The following EVC2 variants were observed in gnomAD, a reference collection of about 807,000 sequenced individuals.
EVC2 encodes the protein limbin.
In EVC2, 148 loss-of-function variants were observed where a neutral mutation model predicts 149.3. The ratio of observed to expected loss-of-function variants is 0.99; its 90% confidence interval spans 0.87 to 1.14. The LOEUF (loss-of-function observed/expected upper bound fraction) is 1.14, where lower values mean the gene tolerates loss of function less well. Among genes scored for constraint, EVC2 ranks in the 50% most tolerant of loss-of-function variants. The probability of loss-of-function intolerance (pLI) is 0.00; values close to 1 mark genes in which losing one functional copy is unlikely to be tolerated. For missense variants in EVC2, 1,854 were observed against 1,627.3 expected (o/e 1.14, Z -2.40); for synonymous variants, 776 against 649.9 (o/e 1.19, Z -2.95).
downstream of EVC2, among the ~76,000 whole-genome samples, chr4:5,557,769 G>T (rs1171574335): frequency 6.6e-6 from 1 of 151,984 alleles, no homozygotes; most frequent in Non-Finnish European, 1.5e-5. Flanking sequence ...CTATATAACA[G>T]AAATAAATGA....
chr4:5,531,852 A>G, the EVC2 span, among the ~76,000 whole-genome samples: 1 of 152,130 alleles, frequency 6.6e-6, no homozygotes, highest in Non-Finnish European at 1.5e-5. Context: ...TCCTGAAACC[A>G]CGCTCCTGCC....
chr4:5,562,479 A>G lies in EVC2; in HGVS notation c.*369T>C, dbSNP rs116641114. ...TTTATTTTTTAAAATTCCCTTTATAAAAATAGAATATGTAACAAATACAAA... is the reference window on the plus strand; with the variant it reads ...TTTATTTTTTAAAATTCCCTTTATAGAAATAGAATATGTAACAAATACAAA... On this transcript the variant is annotated 3_prime_UTR_variant, in exon 22 of 22. Transcript: ENST00000344408. This position sits in a 1 kb window ranked among gnomAD's most constrained non-coding sequence, Gnocchi z 4.3. 2.1e-4 allele frequency: 228 copies of G among 1,080,148 alleles called. No individual in the cohort carries two copies. In the African/African-American group the frequency reaches 3.5e-3, roughly 17 times the overall value. The allele number at this position is 1,080,148 out of a possible 1,614,324, so 66.9% of individuals were successfully genotyped here. A position where few individuals can be genotyped will look rare whatever the true frequency, so the allele number is the denominator to read the frequency against.
intron 1 of EVC2, among the ~76,000 whole-genome samples, chr4:5,701,528 G>A (rs370926870): frequency 2.0e-5 from 3 of 152,240 alleles, no homozygotes; most frequent in East Asian, 1.9e-4. Context: ...GGCCTCCTCT[G>A]TTGGATCTTT....
chr4:5,640,639 G>A lies in EVC2; in HGVS notation c.1345C>T (p.Arg449Trp), dbSNP rs778943940. The A allele has an allele frequency of 4.6e-5, 74 of 1,613,872 alleles. No homozygotes were observed. The highest frequency in any genetic ancestry group is 1.8e-4 in the East Asian group (8 of 44,878). The change falls in exon 10 of 22, where the codon CGG becomes TGG. Residue 449 changes from arginine (R) to tryptophan (W), a missense_variant. By Grantham distance (101) the Arg-to-Trp change is moderately radical. Transcript: ENST00000344408. This position sits in a 1 kb window ranked among gnomAD's most constrained non-coding sequence, Gnocchi z 4.6. ...TCAGCTGTCAATGCCACCATCTTCCGATCGTACTCCTCTTGTATTTCATTT... is the reference window on the plus strand; with the variant it reads ...TCAGCTGTCAATGCCACCATCTTCCAATCGTACTCCTCTTGTATTTCATTT... ...LENEIQEEYD[R>W]KMVALTAECD...
rs1475985349 is a variant in EVC2 at position 5,686,111 on chromosome 4, C to T, written c.707-632G>A. 1.1e-5 allele frequency among the ~76,000 whole-genome samples: 1 copy of T among 87,882 alleles called. No homozygotes were observed. The highest frequency in any genetic ancestry group is 2.2e-5 in the Non-Finnish European group (1 of 46,238). 57.7% of individuals were successfully genotyped at this position (87,882 alleles called of 152,430 possible). On this transcript the variant is annotated intron_variant, in intron 5 of 21. Transcript: ENST00000344408. The surrounding 1 kb of genome is among the most constrained non-coding windows in gnomAD (Gnocchi z 5.4). ...CATATATATTACACACACACACACA[C>T]ACACACACACACACACAGAGTAAAG...
intron 21 of EVC2, among the ~76,000 whole-genome samples, chr4:5,563,514 T>C (rs1722081968): frequency 6.6e-6 from 1 of 152,180 alleles, no homozygotes; most frequent in African/African-American, 2.4e-5. Context: ...GCCCAGCTAA[T>C]TTCTTTTAAT....
At chr4:5,584,367 A>C (rs747433828) in intron 17 of EVC2, among the ~76,000 whole-genome samples, 16 of 152,212 alleles carry the variant, frequency 1.1e-4, no homozygotes, top group Non-Finnish European at 2.1e-4. Flanking sequence ...CAATACTGCC[A>C]ATGAACCCAT....
intron 17 of EVC2, among the ~76,000 whole-genome samples, chr4:5,583,759 T>C (rs1280468095): frequency 2.5e-5 from 2 of 80,906 alleles, no homozygotes; most frequent in Non-Finnish European, 5.9e-5. Flanking sequence ...AGGGTTTGTA[T>C]ATTTTATTAG....
chr4:5,700,195 G>C (rs888044425), intron 1 of EVC2, among the ~76,000 whole-genome samples: 1 of 152,164 alleles, frequency 6.6e-6, no homozygotes, highest in Non-Finnish European at 1.5e-5. Context: ...ATGTATGTGT[G>C]TGGGCAGAGG....
At chr4:5,607,930 G>C (rs1009147698) in intron 16 of EVC2, among the ~76,000 whole-genome samples, 5 of 151,866 alleles carry the variant, frequency 3.3e-5, no homozygotes, top group South Asian at 2.1e-4. Flanking sequence ...GACAGAAAAT[G>C]AGAGAAAGGG....
At chr4:5,541,910 T>C (rs1049723084), downstream of EVC2, among the ~76,000 whole-genome samples, 1 of 152,162 alleles carries the variant, frequency 6.6e-6, no homozygotes, top group Non-Finnish European at 1.5e-5. Context: ...TGAATGTGTG[T>C]GCCCCCCTCC....
At chr4:5,709,260 CAGG>C (rs35896003), upstream of EVC2, 40,226 of 151,930 alleles carry the variant, frequency 0.26, 5,407 homozygotes, top group Non-Finnish European at 0.28. Context: ...CCAAGGGACG[CAGG>C]AGGAGGAGGA....
chr4:5,672,601 G>T (rs1719719272), intron 7 of EVC2, among the ~76,000 whole-genome samples: 1 of 152,082 alleles, frequency 6.6e-6, no homozygotes, highest in Admixed American at 6.5e-5. Flanking sequence ...GGGAGGCTGG[G>T]TCTCCCCAGC....
rs1347650453 is a variant in EVC2, at chr4:5,708,364, G to C, written c.150C>G (p.Pro50=). The change falls in exon 1 of 22, where the codon CCC becomes CCG. Residue 50 remains proline, a synonymous_variant. Coordinates refer to ENST00000344408, the MANE Select transcript of EVC2 (RefSeq NM_147127.5). The part of the protein sequence containing the change: ...RPLGAQPPRD[P]QVAPRSGPGL... ...CGGGCCCAGACCTAGGAGCCACCTG[G>C]GGATCCCGGGGTGGCTGCGCGCCGA... 2.0e-6 allele frequency: 3 copies of C among 1,487,952 alleles called. No individual in the cohort carries two copies. Among genetic ancestry groups the C allele is most frequent in the African/African-American group, 2.9e-5 (2 of 68,356 alleles). The allele number at this position is 1,487,952 out of a possible 1,614,324, so 92.2% of individuals were successfully genotyped here.
intron 10 of EVC2, among the ~76,000 whole-genome samples, chr4:5,634,097 A>G (rs900677320): frequency 2.0e-5 from 3 of 152,230 alleles, no homozygotes; most frequent in Admixed American, 6.5e-5. Context: ...GCTACAAGTC[A>G]AAGGCTTTTA....
chr4:5,571,581 T>C (rs1455266581), intron 19 of EVC2, among the ~76,000 whole-genome samples: 1 of 152,042 alleles, frequency 6.6e-6, no homozygotes, highest in Non-Finnish European at 1.5e-5. Context: ...CCTGCTCCTC[T>C]CCACAGGATG....
chr4:5,654,678 T>TGGGCGTGCA (rs1560199494), intron 9 of EVC2, among the ~76,000 whole-genome samples: 152 of 152,280 alleles, frequency 1.0e-3, no homozygotes, highest in African/African-American at 3.5e-3. Flanking sequence ...GAACATAGGC[T>TGGGCGTGCA]TGGCCTGGGC....
chr4:5,676,963 G>A (rs897215441), intron 7 of EVC2, among the ~76,000 whole-genome samples: 1 of 152,088 alleles, frequency 6.6e-6, no homozygotes, highest in Admixed American at 6.5e-5. Context: ...TGAGCCTGAG[G>A]TACACTTATA....
intron 10 of EVC2, among the ~76,000 whole-genome samples, chr4:5,635,188 C>T (rs753587717): frequency 6.6e-6 from 1 of 151,900 alleles, no homozygotes; most frequent in East Asian, 1.9e-4. Context: ...AGGTGTCCAC[C>T]ACCATGCCCA....
Sources: gnomAD v4.1 joint callset for allele counts (sites outside exome capture counted in the v4.1 genomes callset) on GRCh38, gnomAD v4.1.1 for gene constraint, Gnocchi (gnomAD v3.1) non-coding constraint, MANE v1.5 for transcripts, NCBI Gene and HGNC (gene_info 2026-07-23, HGNC 2026-07-21) for gene names.